GRAMD2A: variants seen among roughly 807,000 people sequenced by gnomAD.
The protein encoded by GRAMD2A is GRAM domain containing 2A.
GRAMD2A carries 37 observed loss-of-function variants against 51.1 expected under a neutral mutation model. That is an observed-to-expected ratio of 0.72 (90% CI 0.56 to 0.95). The LOEUF is 0.95. GRAMD2A is among the 40% of genes least tolerant of loss of function. The pLI is 0.00. For synonymous variants in GRAMD2A, 136 were observed against 157.1 expected, an observed-to-expected ratio of 0.87 and a Z score of 1.01; for missense variants, 414 against 426.9, an observed-to-expected ratio of 0.97 and a Z score of 0.27.
At chr15:72,169,349 C>T in intron 2 of GRAMD2A, 2 of 454,288 alleles carry the variant, frequency 4.4e-6, no homozygotes, top group Non-Finnish European at 8.3e-6. Context: ...AAGGGGTAAG[C>T]AGGGGAGCAG....
At chr15:72,163,889 A>G in intron 8 of GRAMD2A, 132 bp from the exon 9 acceptor site, 1 of 949,382 alleles carries the variant, frequency 1.1e-6, no homozygotes, top group Non-Finnish European at 1.6e-6. Context: ...GGATGGAAGC[A>G]GGTACAAGCG....
At chr15:72,193,896 G>A (rs937206702) in intron 1 of GRAMD2A, among the ~76,000 whole-genome samples, 3 of 152,182 alleles carry the variant, frequency 2.0e-5, no homozygotes, top group Non-Finnish European at 2.9e-5. Context: ...CTCCTACAGT[G>A]GCTTATATCC....
chr15:72,178,686 T>C (rs982913537), intron 1 of GRAMD2A, among the ~76,000 whole-genome samples: 1 of 148,816 alleles, frequency 6.7e-6, no homozygotes, highest in Non-Finnish European at 1.5e-5. Flanking sequence ...GCCGTTCTCC[T>C]GCCTCAGCCT....
At chr15:72,162,891 G>T in intron 10 of GRAMD2A, 1 of 237,916 alleles carries the variant, frequency 4.2e-6, no homozygotes, top group Non-Finnish European at 8.2e-6. Flanking sequence ...GACAGAGGTA[G>T]AGACAAGTCA....
Position 72,163,364 on chromosome 15 carries a change from C to T in GRAMD2A, c.858G>A (p.Lys286=), listed in dbSNP as rs150497149. 6.2e-7 allele frequency: 1 copy of T among 1,614,204 alleles called. No homozygotes were observed. The highest frequency in any genetic ancestry group is 1.1e-5 in the South Asian group (1 of 91,088). Residue 286 remains lysine, a synonymous_variant, in exon 10 of 12, where the codon AAG becomes AAA. Coordinates refer to ENST00000309731, the MANE Select transcript of GRAMD2A (RefSeq NM_001012642.3). ...GCTCATCCTCCTCATAGACAGCATT[C>T]TTTGCAGTGGGAGAGCAGTTCGGCA... The part of the protein sequence containing the change: ...KKMPNCSPTA[K]NAVYEEDELE...
chr15:72,194,963 G>C (rs1346319739), intron 1 of GRAMD2A, among the ~76,000 whole-genome samples: 1 of 152,194 alleles, frequency 6.6e-6, no homozygotes, highest in Non-Finnish European at 1.5e-5. Flanking sequence ...GCTGGGATTA[G>C]AGGTGTGAGC....
chr15:72,197,683 GCGGCCTCCGGAACCCCCGAGAC>G (rs1212445697), intron 1 of GRAMD2A, 26 bp downstream of exon 1: 3 of 1,264,732 alleles, frequency 2.4e-6, no homozygotes, highest in Middle Eastern at 2.9e-4. Flanking sequence ...GCCCCTCGCG[GCGGCCTCCGGAACCCCCGAGAC>G]CGGCCCCCGG....
chr15:72,164,662 C>T (rs1410127025), intron 8 of GRAMD2A, among the ~76,000 whole-genome samples: 1 of 152,138 alleles, frequency 6.6e-6, no homozygotes, highest in African/African-American at 2.4e-5. Context: ...GCTTTGGCCT[C>T]CCAAAGTGCT....
chr15:72,191,528 G>C (rs2081768025), intron 1 of GRAMD2A, among the ~76,000 whole-genome samples: 1 of 152,156 alleles, frequency 6.6e-6, no homozygotes, highest in Non-Finnish European at 1.5e-5. Context: ...TATAGAAAGA[G>C]TCTCCTAATA....
Position 72,169,352 on chromosome 15 carries a change from G to A in GRAMD2A, c.135-356C>T, listed in dbSNP as rs2081583909. ...ATTTCTCTGGCCAAGGGGTAAGCAG[G>A]GGAGCAGGCAGTGCTGGAATAGGGA... On this transcript the variant is annotated intron_variant, in intron 2 of 11. Transcript: ENST00000309731. The A allele has an allele frequency of 6.6e-6, 3 of 456,984 alleles. 1 individual carries two copies. Among genetic ancestry groups the A allele is most frequent in the South Asian group, 5.7e-5 (3 of 52,498 alleles). 28.3% of individuals were successfully genotyped at this position (456,984 alleles called of 1,614,324 possible). A position where few individuals can be genotyped will look rare whatever the true frequency, so the allele number is the denominator to read the frequency against.
intron 1 of GRAMD2A, chr15:72,176,417 C>T (rs528079803): frequency 3.3e-5 from 5 of 152,526 alleles, no homozygotes; most frequent in African/African-American, 1.2e-4. Context: ...CCCAAGCTGA[C>T]TTCTTGTGGA....
At chr15:72,190,815 C>T (rs2081762867) in intron 1 of GRAMD2A, among the ~76,000 whole-genome samples, 1 of 152,102 alleles carries the variant, frequency 6.6e-6, no homozygotes, top group South Asian at 2.1e-4. Flanking sequence ...AGCCTATGAC[C>T]CCCAAATGAT....
At chr15:72,175,718 G>A (rs150910147) in intron 1 of GRAMD2A, 6 of 152,398 alleles carry the variant, frequency 3.9e-5, no homozygotes, top group African/African-American at 1.4e-4. Context: ...CCACACCAGA[G>A]TGTGCTTGTC....
intron 10 of GRAMD2A, 98 bp from the exon 11 acceptor site, chr15:72,162,475 T>C (rs1567079403): frequency 7.3e-6 from 6 of 818,136 alleles, no homozygotes; most frequent in East Asian, 2.7e-5. Flanking sequence ...ACCCCTGCAG[T>C]TGGAAGAATT....
intron 5 of GRAMD2A, 130 bp from the exon 6 acceptor site, chr15:72,167,222 C>A: frequency 1.4e-6 from 1 of 695,600 alleles, no homozygotes; most frequent in South Asian, 1.6e-5. Context: ...GTGGGGAAGT[C>A]TCTGAACCTT....
At chr15:72,176,468 G>T (rs1361841814) in intron 1 of GRAMD2A, 3 of 152,714 alleles carry the variant, frequency 2.0e-5, no homozygotes, top group African/African-American at 4.8e-5. Context: ...CCAGGCCAAA[G>T]ACAGCTCCAC....
At chr15:72,162,161 C>T in intron 11 of GRAMD2A, 112 bp downstream of exon 11, 1 of 1,340,972 alleles carries the variant, frequency 7.5e-7, no homozygotes, top group Non-Finnish European at 1.1e-6. Context: ...TGCTTAGGGT[C>T]AGAAGCCAGC....
chr15:72,181,229 A>G (rs1204897373), intron 1 of GRAMD2A, among the ~76,000 whole-genome samples: 1 of 152,256 alleles, frequency 6.6e-6, no homozygotes, highest in Non-Finnish European at 1.5e-5. Context: ...TGCAGGGCCC[A>G]TGGGCCTCTA....
rs376118235 is a variant in GRAMD2A at position 72,184,340 on chromosome 15, G to A, written c.41+13391C>T. Among the ~76,000 whole-genome samples the A allele has an allele frequency of 6.9e-4, 105 of 152,374 alleles. 1 individual carries two copies. Among genetic ancestry groups the A allele is most frequent in the Middle Eastern group, 3.4e-3 (1 of 294 alleles). On this transcript the variant is annotated intron_variant, in intron 1 of 11. Coordinates refer to ENST00000309731, the MANE Select transcript of GRAMD2A (RefSeq NM_001012642.3). ...CCACACTCAGTGGCTCCAAAGCGGC[G>A]CCCGCGGCGGCACTGATCCCGCCCG...
Sources: gnomAD v4.1 joint callset for allele counts (sites outside exome capture counted in the v4.1 genomes callset) on GRCh38, gnomAD v4.1.1 for gene constraint, MANE v1.5 for transcripts, NCBI Gene and HGNC (gene_info 2026-07-23, HGNC 2026-07-21) for gene names.